The following CAMTA1 variants were observed in gnomAD, a reference collection of about 807,000 sequenced individuals.
The protein encoded by CAMTA1 is calmodulin-binding transcription activator 1.
In CAMTA1, 27 loss-of-function variants were observed where a neutral mutation model predicts 170.9. The observed-to-expected ratio is 0.16, with a 90% CI of 0.12 to 0.22. CAMTA1 has a LOEUF of 0.22. CAMTA1 is among the 10% of genes least tolerant of loss of function. CAMTA1 has a pLI of 1.00. For synonymous variants in CAMTA1, 833 were observed against 891.5 expected, an observed-to-expected ratio of 0.93 and a Z score of 1.17; for missense variants, 1,619 against 2,217.2, an observed-to-expected ratio of 0.73 and a Z score of 5.42.
intron 3 of CAMTA1, among the ~76,000 whole-genome samples, chr1:7,086,277 C>T (rs948861221): frequency 1.3e-5 from 2 of 152,062 alleles, no homozygotes; most frequent in Non-Finnish European, 2.9e-5. Flanking sequence ...GAGGAGGAAG[C>T]TAAGGGAGCC....
At chr1:7,343,406 T>C (rs904986432) in intron 5 of CAMTA1, among the ~76,000 whole-genome samples, 1 of 152,236 alleles carries the variant, frequency 6.6e-6, no homozygotes, top group African/African-American at 2.4e-5. Flanking sequence ...CGAGGCCATA[T>C]TGGGCTGGAA....
At chr1:6,948,692 C>T (rs897157927) in intron 3 of CAMTA1, among the ~76,000 whole-genome samples, 1 of 152,118 alleles carries the variant, frequency 6.6e-6, no homozygotes, top group Non-Finnish European at 1.5e-5. Flanking sequence ...AATCCTCACT[C>T]AGCATTATTA....
chr1:7,170,710 A>G (rs986624194), intron 4 of CAMTA1, among the ~76,000 whole-genome samples: 3 of 152,260 alleles, frequency 2.0e-5, no homozygotes, highest in Non-Finnish European at 4.4e-5. Flanking sequence ...TATCCAGTCT[A>G]TCATTGATGA....
intron 11 of CAMTA1, among the ~76,000 whole-genome samples, chr1:7,721,449 A>G (rs904905830): frequency 6.6e-6 from 1 of 152,162 alleles, no homozygotes; most frequent in African/African-American, 2.4e-5. Flanking sequence ...AGTAGCTGCT[A>G]TTATTATTAT....
At chr1:6,885,234 A>G (rs1672885520) in intron 3 of CAMTA1, among the ~76,000 whole-genome samples, 1 of 152,232 alleles carries the variant, frequency 6.6e-6, no homozygotes, top group African/African-American at 2.4e-5. Context: ...CCTCTTGTAA[A>G]TTACAACACA....
intron 3 of CAMTA1, among the ~76,000 whole-genome samples, chr1:7,018,665 A>T (rs887578779): frequency 6.6e-6 from 1 of 152,204 alleles, no homozygotes; most frequent in Non-Finnish European, 1.5e-5. Context: ...TGTTCTCGAT[A>T]ACCGGAATCA....
At chr1:7,215,724 C>A (rs1306324782) in intron 4 of CAMTA1, among the ~76,000 whole-genome samples, 1 of 152,174 alleles carries the variant, frequency 6.6e-6, no homozygotes, top group Middle Eastern at 3.2e-3. Context: ...ATCACATGTA[C>A]ATTTTTGGAA....
At chr1:7,712,571 C>T (rs897676292) in intron 11 of CAMTA1, among the ~76,000 whole-genome samples, 8 of 152,112 alleles carry the variant, frequency 5.3e-5, no homozygotes, top group African/African-American at 1.4e-4. Flanking sequence ...CCACCTGCCT[C>T]GCCTCCCCAA....
intron 2 of CAMTA1, among the ~76,000 whole-genome samples, 169 bp from the exon 3 acceptor site, chr1:6,824,923 A>G (rs1194602289): frequency 6.6e-6 from 1 of 152,136 alleles, no homozygotes; most frequent in African/African-American, 2.4e-5. Flanking sequence ...GCTGCCATCA[A>G]TCTGATAAAT....
intron 3 of CAMTA1, among the ~76,000 whole-genome samples, chr1:6,939,328 C>T (rs766314256): frequency 6.6e-6 from 1 of 152,266 alleles, no homozygotes; most frequent in East Asian, 1.9e-4. Flanking sequence ...TCCAAAACCA[C>T]ATACTATGCA....
chr1:6,859,860 C>T (rs1426572645), intron 3 of CAMTA1, among the ~76,000 whole-genome samples: 1 of 152,164 alleles, frequency 6.6e-6, no homozygotes. Flanking sequence ...TGAGAGCATC[C>T]ATTTCCCCAA....
intron 5 of CAMTA1, among the ~76,000 whole-genome samples, chr1:7,328,008 T>A (rs1278249423): frequency 6.6e-6 from 1 of 152,250 alleles, no homozygotes; most frequent in African/African-American, 2.4e-5. Flanking sequence ...TTGAGACTTA[T>A]TGTTACAATT....
intron 6 of CAMTA1, among the ~76,000 whole-genome samples, chr1:7,486,706 C>T (rs2093622748): frequency 6.6e-6 from 1 of 152,222 alleles, no homozygotes. Context: ...CCAAGTGCAT[C>T]TTTCATCAGG....
intron 5 of CAMTA1, among the ~76,000 whole-genome samples, chr1:7,413,763 A>G (rs1245694608): frequency 1.3e-5 from 2 of 152,152 alleles, no homozygotes; most frequent in East Asian, 1.9e-4. Flanking sequence ...TCTCCTGCCT[A>G]ATTGCCCTGG....
chr1:7,175,046 G>A (rs1650495270), intron 4 of CAMTA1, among the ~76,000 whole-genome samples: 3 of 152,202 alleles, frequency 2.0e-5, no homozygotes, highest in East Asian at 1.9e-4. Flanking sequence ...ACATCCTGGT[G>A]TGTGTGTGCG....
intron 11 of CAMTA1, chr1:7,693,376 C>G (rs2096339983): frequency 6.6e-6 from 1 of 152,222 alleles, no homozygotes; most frequent in South Asian, 2.1e-4. Context: ...GTCCCTCCCA[C>G]AACACATGGA....
At chr1:7,391,118 C>T (rs1364477536) in intron 5 of CAMTA1, among the ~76,000 whole-genome samples, 1 of 152,198 alleles carries the variant, frequency 6.6e-6, no homozygotes, top group Admixed American at 6.5e-5. Flanking sequence ...CTGCCTCAGC[C>T]TCCCGAGTAG....
At chr1:7,272,646 G>C (rs1028914923) in intron 5 of CAMTA1, among the ~76,000 whole-genome samples, 28 of 101,924 alleles carry the variant, frequency 2.7e-4, no homozygotes, top group African/African-American at 1.0e-3. Context: ...AATCATGATA[G>C]AATAGTCTTT....
chr1:7,128,649 G>A (rs568620550), intron 4 of CAMTA1, among the ~76,000 whole-genome samples: 2 of 151,934 alleles, frequency 1.3e-5, no homozygotes, highest in South Asian at 4.2e-4. Flanking sequence ...AAGTAGAAAG[G>A]ATTAGCCCTA....
Sources: gnomAD v4.1 joint callset for allele counts (sites outside exome capture counted in the v4.1 genomes callset) on GRCh38, gnomAD v4.1.1 for gene constraint, MANE v1.5 for transcripts, NCBI Gene and HGNC (gene_info 2026-07-23, HGNC 2026-07-21) for gene names.